The following ANKRD62 variants were observed in gnomAD, a reference collection of about 807,000 sequenced individuals.
ANKRD62 encodes ankyrin repeat domain 62.
A neutral mutation model predicts 98.8 loss-of-function variants in ANKRD62; 61 were observed. That is an observed-to-expected ratio of 0.62 (90% CI 0.50 to 0.76). The LOEUF (loss-of-function observed/expected upper bound fraction) is 0.76, where lower values mean the gene tolerates loss of function less well. ANKRD62 is among the 30% of genes least tolerant of loss of function. The probability of loss-of-function intolerance (pLI) is 0.00; values close to 1 mark genes in which losing one functional copy is unlikely to be tolerated. For missense variants in ANKRD62, 933 were observed against 1,082.9 expected, an observed-to-expected ratio of 0.86 and a Z score of 1.94; for synonymous variants, 341 against 367.9, an observed-to-expected ratio of 0.93 and a Z score of 0.84.
At chr18:12,145,973 G>A in the ANKRD62 span, among the ~76,000 whole-genome samples, 7 of 151,922 alleles carry the variant, frequency 4.6e-5, no homozygotes, top group Non-Finnish European at 1.0e-4. Context: ...AGTGTTCCTT[G>A]GCCGACAGAC....
intron 1 of ANKRD62, among the ~76,000 whole-genome samples, chr18:12,094,948 T>TGGGGGGGGGG: frequency 8.8e-5 from 1 of 11,302 alleles, no homozygotes; most frequent in Non-Finnish European, 1.7e-4. Flanking sequence ...AGGGTGGGGG[T>TGGGGGGGGGG]GGGGGTGGGG....
chr18:12,126,589 G>A (rs1909898605), intron 13 of ANKRD62, among the ~76,000 whole-genome samples: 1 of 152,120 alleles, frequency 6.6e-6, no homozygotes, highest in Admixed American at 6.5e-5. Context: ...AAGACAATGT[G>A]ACACTTAGGA....
chr18:12,169,719 T>C, the ANKRD62 span, among the ~76,000 whole-genome samples: 2 of 152,206 alleles, frequency 1.3e-5, no homozygotes, highest in East Asian at 3.8e-4. Flanking sequence ...TACCAGATCC[T>C]TTTTGTACCT....
In ANKRD62 at chr18:12,097,213, C is replaced by G. The variant is rs117643907; in HGVS notation, c.615-427C>G. ...GCATTCTTAACTGAAACTACTGTGG[C>G]TATTATTAGCATTATTATTATTGTT... On this transcript the variant is annotated intron_variant, in intron 4 of 13. Coordinates refer to ENST00000587848, the MANE Select transcript of ANKRD62 (RefSeq NM_001277333.2). Among the ~76,000 whole-genome samples the G allele has an allele frequency of 4.0e-3, 610 of 152,274 alleles. 1 individual carries two copies. The highest frequency in any genetic ancestry group is 7.1e-3 in the Non-Finnish European group (485 of 68,014).
intron 12 of ANKRD62, 54 bp from the exon 13 acceptor site, chr18:12,125,406 C>T: frequency 7.3e-7 from 1 of 1,366,548 alleles, no homozygotes; most frequent in Non-Finnish European, 9.5e-7. Flanking sequence ...CAGAAGAAAT[C>T]ATAATATGTC....
chr18:12,171,981 C>T, the ANKRD62 span, among the ~76,000 whole-genome samples: 1 of 152,194 alleles, frequency 6.6e-6, no homozygotes, highest in African/African-American at 2.4e-5. Flanking sequence ...GTTTTCAGCT[C>T]CATCAGGTCA....
chr18:12,122,310 T>C lies in ANKRD62; in HGVS notation c.1248T>C (p.Val416=). The stretch of plus-strand genomic sequence containing the variant: ...GTCTTCTCCTGGTAACAGATTTTGT[T>C]AGCCTATCGAAAAGCAAGAATGCAA... ...EQSGMECKDF[V]SLSKSKNATA... Residue 416 remains valine, a synonymous_variant, in exon 11 of 14, where the codon GTT becomes GTC. Transcript: ENST00000587848. 1 of 1,533,598 alleles carries C rather than the reference T, an allele frequency of 6.5e-7. No individual in the cohort carries two copies. 95.0% of individuals were successfully genotyped at this position (1,533,598 alleles called of 1,614,324 possible).
chr18:12,154,959 G>A, the ANKRD62 span, among the ~76,000 whole-genome samples: 2 of 152,260 alleles, frequency 1.3e-5, no homozygotes, highest in African/African-American at 4.8e-5. Context: ...CAGACACTAA[G>A]GTCTGCTTGA....
chr18:12,102,925 T>C (rs533277548), intron 6 of ANKRD62: 36 of 533,480 alleles, frequency 6.7e-5, no homozygotes, highest in Non-Finnish European at 9.6e-5. Flanking sequence ...TTTGAGATGT[T>C]GGTCTATGGC....
intron 10 of ANKRD62, among the ~76,000 whole-genome samples, chr18:12,118,676 C>T (rs1909720662): frequency 6.6e-6 from 1 of 150,512 alleles, no homozygotes; most frequent in African/African-American, 2.4e-5. Context: ...TGGTAATATG[C>T]ATGTATGGTT....
chr18:12,175,414 G>T, the ANKRD62 span, among the ~76,000 whole-genome samples: 2 of 152,132 alleles, frequency 1.3e-5, no homozygotes, highest in African/African-American at 4.8e-5. Context: ...CAGTGACAGG[G>T]TGGGGTGTAT....
the ANKRD62 span, among the ~76,000 whole-genome samples, chr18:12,135,212 T>G: frequency 9.5e-6 from 1 of 105,678 alleles, no homozygotes. Context: ...CCCACAACAG[T>G]CCCCAGAGTG....
the ANKRD62 span, among the ~76,000 whole-genome samples, chr18:12,153,713 AC>A: frequency 6.6e-6 from 1 of 152,176 alleles, no homozygotes; most frequent in Non-Finnish European, 1.5e-5. Flanking sequence ...GCATTAGGTT[AC>A]CCGACTTCAA....
chr18:12,096,307 A>G lies in ANKRD62; in HGVS notation c.614+5A>G. 6.7e-7 allele frequency: 1 copy of G among 1,488,942 alleles called. No individual in the cohort carries two copies. The highest frequency in any genetic ancestry group is 9.0e-7 in the Non-Finnish European group (1 of 1,111,816). 92.2% of individuals were successfully genotyped at this position (1,488,942 alleles called of 1,614,324 possible). On this transcript the variant is annotated splice_donor_5th_base_variant and intron_variant, in intron 4 of 13. Coordinates refer to ENST00000587848, the MANE Select transcript of ANKRD62 (RefSeq NM_001277333.2). ...TGCAATAGATAATTTTGGAAGGTAC[A>G]GTAGTTCTTTTTTTGTTCATTTTTA...
Position 12,107,400 on chromosome 18 carries a change from C to T in ANKRD62, c.997C>T (p.His333Tyr), listed in dbSNP as rs757916286. 2.6e-6 allele frequency: 4 copies of T among 1,524,368 alleles called. No individual in the cohort carries two copies. Among genetic ancestry groups the T allele is most frequent in the African/African-American group, 2.8e-5 (2 of 72,524 alleles). The allele number at this position is 1,524,368 out of a possible 1,614,324, so 94.4% of individuals were successfully genotyped here. A position where few individuals can be genotyped will look rare whatever the true frequency, so the allele number is the denominator to read the frequency against. Reference sequence around the variant, plus strand: ...TAATGATGATGTTGATGAATTAATTCACAAAATAAAGAACAGAAAACCTGA... The same window carrying T: ...TAATGATGATGTTGATGAATTAATTTACAAAATAAAGAACAGAAAACCTGA... Reference protein sequence around the residue: ...NYNDDVDELIHKIKNRKPDNH... With the variant: ...NYNDDVDELIYKIKNRKPDNH... Residue 333 changes from histidine to tyrosine, a missense_variant, in exon 8 of 14, where the codon CAC (histidine) becomes TAC (tyrosine). Physicochemically the swap from His to Tyr is moderately conservative, Grantham distance 83. Coordinates refer to ENST00000587848, the MANE Select transcript of ANKRD62 (RefSeq NM_001277333.2).
chr18:12,177,704 G>A, the ANKRD62 span, among the ~76,000 whole-genome samples: 12 of 151,726 alleles, frequency 7.9e-5, no homozygotes, highest in East Asian at 2.3e-3. Context: ...AATGTATTGA[G>A]TTCATCCTGG....
At chr18:12,136,435 T>G in the ANKRD62 span, among the ~76,000 whole-genome samples, 1 of 152,242 alleles carries the variant, frequency 6.6e-6, no homozygotes, top group Non-Finnish European at 1.5e-5. Flanking sequence ...CATGCTGTTT[T>G]GGTTACTGTA....
the ANKRD62 span, among the ~76,000 whole-genome samples, chr18:12,153,380 T>A: frequency 6.6e-6 from 1 of 151,700 alleles, no homozygotes; most frequent in African/African-American, 2.4e-5. Context: ...TCACTTAAGG[T>A]CAGGAGTTCA....
At chr18:12,157,321 T>A in the ANKRD62 span, among the ~76,000 whole-genome samples, 2 of 152,336 alleles carry the variant, frequency 1.3e-5, no homozygotes, top group Non-Finnish European at 2.9e-5. Flanking sequence ...ACGACCATGA[T>A]CAAAATGTAG....
Sources: allele counts gnomAD v4.1 joint callset (sites outside exome capture counted in the v4.1 genomes callset), GRCh38; gene constraint gnomAD v4.1.1; transcripts MANE v1.5; gene names NCBI Gene and HGNC (gene_info 2026-07-23, HGNC 2026-07-21).